CEP126: variants seen among roughly 807,000 people sequenced by gnomAD.
CEP126 encodes centrosomal protein of 126 kDa.
A neutral mutation model predicts 107.8 loss-of-function variants in CEP126; 74 were observed. That is an observed-to-expected ratio of 0.69 (90% CI 0.57 to 0.83). The LOEUF is 0.83. Among genes scored for constraint, CEP126 ranks in the 40% least tolerant of loss-of-function variants. The pLI, the probability that CEP126 is intolerant of heterozygous loss-of-function variation, is 0.00. For synonymous variants in CEP126, 449 were observed against 446.0 expected, an observed-to-expected ratio of 1.01 and a Z score of -0.08; for missense variants, 1,237 against 1,281.9, an observed-to-expected ratio of 0.96 and a Z score of 0.53.
intron 7 of CEP126, among the ~76,000 whole-genome samples, chr11:101,979,173 T>C (rs1219219167): frequency 1.3e-5 from 2 of 151,886 alleles, no homozygotes; most frequent in South Asian, 2.1e-4. Flanking sequence ...AAGACAACTA[T>C]AGTTTCATGT....
At chr11:101,920,414 C>T (rs1940304840) in intron 1 of CEP126, among the ~76,000 whole-genome samples, 1 of 152,056 alleles carries the variant, frequency 6.6e-6, no homozygotes, top group Admixed American at 6.5e-5. Context: ...GAGATTTTTA[C>T]AATCTTGATT....
At chr11:101,978,559 A>G (rs1591291907) in intron 7 of CEP126, 100 bp downstream of exon 7, 6 of 708,926 alleles carry the variant, frequency 8.5e-6, no homozygotes, top group Non-Finnish European at 1.4e-5. Flanking sequence ...ACTGTATACC[A>G]CAACATAAAT....
Position 101,997,839 on chromosome 11 carries a change from T to C in CEP126, c.*196T>C, listed in dbSNP as rs1941460931. ...AAAGCAGTGAAGTTTAACAGAGTTC[T>C]GAGAATACCATGAAAGACATTATGC... On this transcript the variant is annotated 3_prime_UTR_variant, in exon 11 of 11. Transcript: ENST00000263468. The C allele has an allele frequency of 3.0e-6, 2 of 658,434 alleles. No individual in the cohort carries two copies. The highest frequency in any genetic ancestry group is 2.9e-5 in the Admixed American group (1 of 34,160). The allele number at this position is 658,434 out of a possible 1,614,324, so 40.8% of individuals were successfully genotyped here. A position where few individuals can be genotyped will look rare whatever the true frequency, so the allele number is the denominator to read the frequency against.
chr11:101,925,907 G>A (rs933588736), intron 2 of CEP126, among the ~76,000 whole-genome samples: 4 of 149,958 alleles, frequency 2.7e-5, no homozygotes, highest in Admixed American at 6.7e-5. Context: ...TGCCCATCTC[G>A]GCCTCCCAAA....
chr11:101,942,967 A>G (rs530335511), intron 2 of CEP126, among the ~76,000 whole-genome samples: 5 of 152,138 alleles, frequency 3.3e-5, no homozygotes, highest in African/African-American at 1.2e-4. Flanking sequence ...GTATCCTGCA[A>G]CTTTGCTGAA....
intron 1 of CEP126, among the ~76,000 whole-genome samples, chr11:101,921,720 A>C (rs1332144396): frequency 5.3e-5 from 8 of 149,872 alleles, no homozygotes; most frequent in African/African-American, 1.2e-4. Flanking sequence ...AAAAAAAAAA[A>C]AAAAACTGTG....
chr11:101,945,930 TG>T, intron 3 of CEP126, among the ~76,000 whole-genome samples: 1 of 152,036 alleles, frequency 6.6e-6, no homozygotes, highest in East Asian at 1.9e-4. Context: ...GCATATTAGG[TG>T]GGGAACTAGG....
intron 4 of CEP126, among the ~76,000 whole-genome samples, chr11:101,954,303 G>A (rs1402535728): frequency 2.0e-5 from 3 of 152,162 alleles, no homozygotes; most frequent in African/African-American, 7.2e-5. Flanking sequence ...TGGGAATACA[G>A]GCATGAGCCA....
At position 101,948,153 on chromosome 11, in the gene CEP126, T is replaced by G. The variant is rs775498792; in HGVS notation, c.506+11T>G. 2.2e-5 allele frequency: 32 copies of G among 1,476,614 alleles called. No homozygotes were observed. The highest frequency in any genetic ancestry group is 2.8e-5 in the Non-Finnish European group (30 of 1,059,160). The allele number at this position is 1,476,614 out of a possible 1,614,324, so 91.5% of individuals were successfully genotyped here. A position where few individuals can be genotyped will look rare whatever the true frequency, so the allele number is the denominator to read the frequency against. On this transcript the variant is annotated intron_variant, in intron 4 of 10. Transcript: ENST00000263468. ...AACAATAAACTGGAGGTAAGTAATT[T>G]ATGATCATTGTATACAATTATTACA...
chr11:101,934,341 C>T (rs758695426), intron 2 of CEP126, among the ~76,000 whole-genome samples: 1 of 151,996 alleles, frequency 6.6e-6, no homozygotes, highest in African/African-American at 2.4e-5. Flanking sequence ...TTCAATGGCA[C>T]ATCACCTCAA....
chr11:101,963,290 G>A lies in CEP126; in HGVS notation c.2255G>A (p.Gly752Asp), dbSNP rs371406960. ...ACTAAGCAAGGTAAGCCACAAAGAG[G>A]TAGAGCAAAAATAATTAGAAAACCA... Reference protein sequence around the residue: ...SKTKQGKPQRGRAKIIRKPGS... With the variant: ...SKTKQGKPQRDRAKIIRKPGS... The change falls in exon 6 of 11, where the codon GGT (glycine) becomes GAT (aspartate). Residue 752 changes from glycine (G) to aspartate (D), a missense_variant. Physicochemically the swap from Gly to Asp is moderately conservative, Grantham distance 94. Around this residue, in one of 3 missense-constraint regions of CEP126, gnomAD observed 1,134 missense variants for 1,150.5 expected, o/e 0.99. Transcript: ENST00000263468. 2 of 1,613,938 alleles carry A rather than the reference G, an allele frequency of 1.2e-6. No homozygotes were observed. Among genetic ancestry groups the A allele is most frequent in the Non-Finnish European group, 1.7e-6 (2 of 1,180,006 alleles).
chr11:101,948,932 C>T (rs1940775398), intron 4 of CEP126, among the ~76,000 whole-genome samples: 1 of 152,088 alleles, frequency 6.6e-6, no homozygotes, highest in Non-Finnish European at 1.5e-5. Flanking sequence ...AATGTTATTC[C>T]ATTTTTAGAA....
intron 7 of CEP126, among the ~76,000 whole-genome samples, chr11:101,980,648 T>C (rs1941244792): frequency 6.6e-6 from 1 of 152,218 alleles, no homozygotes; most frequent in Non-Finnish European, 1.5e-5. Flanking sequence ...GTTTTTGTTT[T>C]TTATTCCAGA....
chr11:101,915,552 C>T, intron 1 of CEP126, 140 bp downstream of exon 1: 13 of 1,132,126 alleles, frequency 1.1e-5, no homozygotes, highest in Non-Finnish European at 1.6e-5. Context: ...CCTTTAGCAA[C>T]TGTCGTGTCT....
chr11:101,992,826 A>G lies in CEP126; in HGVS notation c.3293A>G (p.Gln1098Arg). 6.5e-7 allele frequency: 1 copy of G among 1,540,784 alleles called. No individual in the cohort carries two copies. Among genetic ancestry groups the G allele is most frequent in the Non-Finnish European group, 8.7e-7 (1 of 1,147,890 alleles). ...AACCCATCCATCAAAAATACTTTAC[A>G]AATAATACCACTTCTGGTAAGTATT... is the stretch of plus-strand genomic sequence containing the variant. ...CKNPSIKNTL[Q>R]IIPLLEKRED... The change falls in exon 10 of 11, where the codon CAA (glutamine) becomes CGA (arginine). Residue 1098 changes from glutamine to arginine, a missense_variant. By Grantham distance (43) the Gln-to-Arg change is conservative. This residue lies in a region of CEP126 where 99 missense variants were observed against 114.4 expected (regional missense o/e 0.87). Coordinates refer to ENST00000263468, the MANE Select transcript of CEP126 (RefSeq NM_020802.4).
chr11:101,960,511 G>T (rs1346790466), intron 5 of CEP126, among the ~76,000 whole-genome samples: 1 of 152,078 alleles, frequency 6.6e-6, no homozygotes, highest in African/African-American at 2.4e-5. Flanking sequence ...GCTTTGTTTT[G>T]TTCCCTGTTT....
At position 101,962,406 on chromosome 11, in the gene CEP126, A is replaced by T. The variant is rs1324168615; in HGVS notation, c.1371A>T (p.Val457=). ...CTACTTCAATTCCTACTTCATGTGT[A>T]CCAGTGGCAACGCCTTTAGTTTTGC... is the stretch of plus-strand genomic sequence containing the variant. ...NGTTSIPTSC[V]PVATPLVLPS... The change falls in exon 6 of 11, where the codon GTA becomes GTT. Residue 457 remains valine, a synonymous_variant. Transcript: ENST00000263468. The T allele has an allele frequency of 1.2e-6, 2 of 1,613,856 alleles. No individual in the cohort carries two copies. Among genetic ancestry groups the T allele is most frequent in the African/African-American group, 2.7e-5 (2 of 74,942 alleles).
At chr11:101,984,430 G>A (rs999289538) in intron 8 of CEP126, among the ~76,000 whole-genome samples, 1 of 152,176 alleles carries the variant, frequency 6.6e-6, no homozygotes. Flanking sequence ...GAGTCTATCA[G>A]TAAGCTGGAA....
At position 101,970,380 on chromosome 11, in the gene CEP126, G is replaced by C. The variant is rs993085870; in HGVS notation, c.2845+6500G>C. ...GCATTTTCTGCTCCATTTATATCAA[G>C]AACAGGTGAAACTATGGCAGGTGGG... On this transcript the variant is annotated intron_variant, in intron 6 of 10. Coordinates refer to ENST00000263468, the MANE Select transcript of CEP126 (RefSeq NM_020802.4). Among the ~76,000 whole-genome samples the C allele has an allele frequency of 7.2e-5, 11 of 152,076 alleles. 1 individual carries two copies. The highest frequency in any genetic ancestry group is 2.7e-4 in the African/African-American group (11 of 41,416).
Sources: allele counts gnomAD v4.1 joint callset (sites outside exome capture counted in the v4.1 genomes callset), GRCh38; gene constraint gnomAD v4.1.1; regional missense constraint gnomAD v4.1.1; transcripts MANE v1.5; gene names NCBI Gene and HGNC (gene_info 2026-07-23, HGNC 2026-07-21).